CTNNA3: variants seen among roughly 807,000 people sequenced by gnomAD.
CTNNA3 encodes catenin alpha 3, also known as catenin alpha-3.
CTNNA3 carries 76 observed loss-of-function variants against 95.7 expected under a neutral mutation model. That is an observed-to-expected ratio of 0.79 (90% confidence interval 0.66 to 0.96). The LOEUF is 0.96. Ranked by LOEUF, CTNNA3 falls within the 40% of genes least tolerant of loss-of-function variation. The probability of loss-of-function intolerance (pLI) is 0.00; values close to 1 mark genes in which losing one functional copy is unlikely to be tolerated. For missense variants in CTNNA3, 1,191 were observed against 1,089.8 expected (o/e 1.09, Z -1.31); for synonymous variants, 431 against 374.4 (o/e 1.15, Z -1.74).
At chr10:67,336,939 C>G (rs1332931484) in intron 5 of CTNNA3, among the ~76,000 whole-genome samples, 1 of 152,160 alleles carries the variant, frequency 6.6e-6, no homozygotes, top group Non-Finnish European at 1.5e-5. Context: ...GACAATGCAC[C>G]TGGTCACCCA....
chr10:67,660,945 A>G (rs1840167375), intron 1 of CTNNA3, among the ~76,000 whole-genome samples: 1 of 151,200 alleles, frequency 6.6e-6, no homozygotes, highest in Non-Finnish European at 1.5e-5. Context: ...AAAAAAAAAA[A>G]GAGAAATGCA....
At chr10:66,398,550 G>A (rs1423315193) in intron 11 of CTNNA3, among the ~76,000 whole-genome samples, 5 of 151,862 alleles carry the variant, frequency 3.3e-5, no homozygotes, top group African/African-American at 9.7e-5. Context: ...ACCAGTGGAC[G>A]TACTGTAATG....
chr10:67,515,737 G>T (rs1374185312), intron 5 of CTNNA3, among the ~76,000 whole-genome samples: 1 of 152,150 alleles, frequency 6.6e-6, no homozygotes, highest in African/African-American at 2.4e-5. Context: ...TTTCAGGACA[G>T]TTAGATTAAT....
At chr10:66,651,357 A>T (rs1589072164) in intron 9 of CTNNA3, among the ~76,000 whole-genome samples, 1 of 152,298 alleles carries the variant, frequency 6.6e-6, no homozygotes, top group African/African-American at 2.4e-5. Flanking sequence ...TAGACAAAAA[A>T]GTTCTCCAAG....
At chr10:67,363,405 T>A (rs1450039426) in intron 5 of CTNNA3, among the ~76,000 whole-genome samples, 1 of 151,198 alleles carries the variant, frequency 6.6e-6, no homozygotes, top group Non-Finnish European at 1.5e-5. Context: ...AGTACCAGTA[T>A]AAAAATAGAC....
In CTNNA3 at chr10:66,053,556, C is replaced by T. The variant is rs531895085; in HGVS notation, c.2159+15752G>A. 2.2e-3 allele frequency among the ~76,000 whole-genome samples: 342 copies of T among 152,070 alleles called. 2 individuals carry two copies. Among genetic ancestry groups the T allele is most frequent in the Non-Finnish European group, 4.2e-3 (282 of 67,900 alleles). ...TAAGTTATTATTGACTATAGTCACC[C>T]TATTGTGCTATCAAATAGTAGGTCT... is the stretch of plus-strand genomic sequence containing the variant. On this transcript the variant is annotated intron_variant, in intron 15 of 17. Transcript: ENST00000433211.
chr10:67,294,759 G>C (rs1021906676), intron 5 of CTNNA3, among the ~76,000 whole-genome samples: 3 of 152,148 alleles, frequency 2.0e-5, no homozygotes, highest in Non-Finnish European at 4.4e-5. Flanking sequence ...TAAAACAGCT[G>C]TTAATATCCT....
At chr10:67,726,658 T>A (rs367836499) in intron 1 of CTNNA3, among the ~76,000 whole-genome samples, 4 of 380 alleles carry the variant, frequency 0.011, no homozygotes, top group East Asian at 0.1. Context: ...TATAATATAT[T>A]ATATATTATA....
chr10:66,376,966 C>A (rs991219959), intron 12 of CTNNA3, among the ~76,000 whole-genome samples: 1 of 152,124 alleles, frequency 6.6e-6, no homozygotes, highest in African/African-American at 2.4e-5. Flanking sequence ...TAGACAATGT[C>A]TCCATGGGAA....
At chr10:67,363,709 A>C (rs1272244608) in intron 5 of CTNNA3, among the ~76,000 whole-genome samples, 1 of 152,224 alleles carries the variant, frequency 6.6e-6, no homozygotes, top group Non-Finnish European at 1.5e-5. Flanking sequence ...TACGCAAATA[A>C]ACTAGAAAAT....
chr10:67,101,650 C>T (rs1387153192), intron 7 of CTNNA3, among the ~76,000 whole-genome samples: 1 of 151,644 alleles, frequency 6.6e-6, no homozygotes, highest in Non-Finnish European at 1.5e-5. Context: ...GGAAAGAAAA[C>T]ATTCCCAAAT....
intron 10 of CTNNA3, among the ~76,000 whole-genome samples, chr10:66,600,616 T>G (rs1843885940): frequency 6.6e-6 from 1 of 151,858 alleles, no homozygotes; most frequent in South Asian, 2.1e-4. Flanking sequence ...TCCCCCTCTT[T>G]GCTGTGTAAT....
chr10:67,111,890 G>A (rs993378978), intron 7 of CTNNA3, among the ~76,000 whole-genome samples: 1 of 151,958 alleles, frequency 6.6e-6, no homozygotes, highest in Admixed American at 6.6e-5. Context: ...TAGCATTTAA[G>A]CTATTTCATT....
chr10:67,682,110 A>C (rs1417517762), intron 1 of CTNNA3, among the ~76,000 whole-genome samples: 4 of 151,122 alleles, frequency 2.6e-5, no homozygotes, highest in Non-Finnish European at 5.9e-5. Context: ...GTGAGCCGAG[A>C]TTGCGCCATT....
chr10:66,316,401 C>T (rs756130543), intron 12 of CTNNA3, among the ~76,000 whole-genome samples: 33 of 152,106 alleles, frequency 2.2e-4, no homozygotes, highest in Non-Finnish European at 3.5e-4. Flanking sequence ...TTTTATTTTA[C>T]AGTAATATAT....
At chr10:66,056,813 G>A (rs183076697) in intron 15 of CTNNA3, among the ~76,000 whole-genome samples, 1 of 152,278 alleles carries the variant, frequency 6.6e-6, no homozygotes, top group Non-Finnish European at 1.5e-5. Flanking sequence ...TTGGCAGAGA[G>A]ATTAAATGTA....
At chr10:67,281,666 T>C (rs1292771249) in intron 5 of CTNNA3, among the ~76,000 whole-genome samples, 1 of 152,204 alleles carries the variant, frequency 6.6e-6, no homozygotes, top group African/African-American at 2.4e-5. Context: ...ATTTCATAGA[T>C]TGTTACTGTC....
At chr10:67,246,470 A>G (rs1217223395) in intron 5 of CTNNA3, among the ~76,000 whole-genome samples, 1 of 152,172 alleles carries the variant, frequency 6.6e-6, no homozygotes, top group African/African-American at 2.4e-5. Flanking sequence ...GAAATAAACC[A>G]TTCAAAAATT....
intron 3 of CTNNA3, among the ~76,000 whole-genome samples, chr10:67,605,852 G>A (rs1843254987): frequency 6.6e-6 from 1 of 152,052 alleles, no homozygotes; most frequent in South Asian, 2.1e-4. Context: ...TGTGTTTTTA[G>A]TAGAGATGGG....
Sources: allele counts gnomAD v4.1 joint callset (sites outside exome capture counted in the v4.1 genomes callset), GRCh38; gene constraint gnomAD v4.1.1; transcripts MANE v1.5; gene names NCBI Gene and HGNC (gene_info 2026-07-23, HGNC 2026-07-21).